The following N4BP2L2 variants were observed in gnomAD, a reference collection of about 807,000 sequenced individuals.
N4BP2L2 encodes the protein NEDD4-binding protein 2-like 2.
N4BP2L2 carries 50 observed loss-of-function variants against 56.2 expected under a neutral mutation model. The observed-to-expected ratio is 0.89, with a 90% CI of 0.71 to 1.13. The LOEUF is 1.13. Ranked by LOEUF, N4BP2L2 falls within the 50% of genes most tolerant of loss-of-function variation. The pLI, the probability that N4BP2L2 is intolerant of heterozygous loss-of-function variation, is 0.00. For synonymous variants in N4BP2L2, 203 were observed against 223.6 expected, an observed-to-expected ratio of 0.91 and a Z score of 0.82; for missense variants, 689 against 693.8, an observed-to-expected ratio of 0.99 and a Z score of 0.08.
chr13:32,472,580 A>G (rs1389826301), intron 6 of N4BP2L2, among the ~76,000 whole-genome samples: 2 of 152,106 alleles, frequency 1.3e-5, no homozygotes, highest in African/African-American at 4.8e-5. Context: ...GCTCCTCCCT[A>G]GAGTAACAGA....
intron 6 of N4BP2L2, among the ~76,000 whole-genome samples, chr13:32,444,450 A>G (rs1046416168): frequency 6.6e-6 from 1 of 152,138 alleles, no homozygotes; most frequent in Non-Finnish European, 1.5e-5. Flanking sequence ...TATTTTTAGT[A>G]GAGACGGGGT....
At chr13:32,482,442 A>G (rs939694033) in intron 6 of N4BP2L2, among the ~76,000 whole-genome samples, 1 of 152,068 alleles carries the variant, frequency 6.6e-6, no homozygotes, top group African/African-American at 2.4e-5. Flanking sequence ...GCTCACCTCA[A>G]TCTCTGCCTC....
At chr13:32,503,061 G>A (rs997552386) in intron 6 of N4BP2L2, among the ~76,000 whole-genome samples, 41 of 149,842 alleles carry the variant, frequency 2.7e-4, no homozygotes, top group African/African-American at 8.3e-4. Context: ...TAATCCCAGC[G>A]ACTCGGGAGG....
intron 6 of N4BP2L2, among the ~76,000 whole-genome samples, chr13:32,502,694 T>G (rs1164501510): frequency 1.3e-5 from 2 of 152,184 alleles, no homozygotes; most frequent in Non-Finnish European, 2.9e-5. Flanking sequence ...AACTCTGTGT[T>G]GTACTAAATT....
At chr13:32,532,936 C>T (rs757888362) in intron 2 of N4BP2L2, among the ~76,000 whole-genome samples, 10 of 150,748 alleles carry the variant, frequency 6.6e-5, no homozygotes, top group Non-Finnish European at 1.3e-4. Context: ...GTTGCCCAAA[C>T]TGATCTCACA....
intron 2 of N4BP2L2, among the ~76,000 whole-genome samples, chr13:32,534,651 T>G (rs983732676): frequency 6.6e-6 from 1 of 152,226 alleles, no homozygotes; most frequent in African/African-American, 2.4e-5. Context: ...GTTTATAATC[T>G]AGCTTGAAAT....
At chr13:32,470,085 C>A (rs1002095562) in intron 6 of N4BP2L2, among the ~76,000 whole-genome samples, 1 of 152,132 alleles carries the variant, frequency 6.6e-6, no homozygotes, top group Non-Finnish European at 1.5e-5. Flanking sequence ...TGCCATCAGC[C>A]GCTTGGCTCT....
chr13:32,441,690 CATAAATAAATAAATAAATAA>C lies in N4BP2L2; in HGVS notation c.2104+678_2104+697del, dbSNP rs199951664. 4.4e-4 allele frequency among the ~76,000 whole-genome samples: 61 copies of C among 137,662 alleles called. No individual in the cohort carries two copies. In the East Asian group the frequency reaches 7.9e-3, roughly 18 times the overall value. The allele number at this position is 137,662 out of a possible 152,430, so 90.3% of individuals were successfully genotyped here. On this transcript the variant is annotated intron_variant, in intron 7 of 9. Transcript: ENST00000357505. ...CAAGAGCGAAACTCCCTCTCAAAAA[CATAAATAAATAAATAAATAA>C]ATAAATAAATAAATAAATAAATAAA... is the stretch of plus-strand genomic sequence containing the variant.
intron 2 of N4BP2L2, among the ~76,000 whole-genome samples, chr13:32,528,102 T>C (rs2053607485): frequency 6.6e-6 from 1 of 152,206 alleles, no homozygotes; most frequent in Non-Finnish European, 1.5e-5. Context: ...GCATTTGTAT[T>C]GCAACTTTTT....
exon 7 of N4BP2L2, chr13:32,442,747 G>A (rs1229051103): frequency 6.2e-7 from 1 of 1,613,050 alleles, no homozygotes. Flanking sequence ...TAGCACAAAA[G>A]AAGGAATATA....
chr13:32,533,194 C>T (rs2055464917), intron 2 of N4BP2L2, among the ~76,000 whole-genome samples: 2 of 152,040 alleles, frequency 1.3e-5, no homozygotes, highest in Admixed American at 6.6e-5. Context: ...CAAATTCATA[C>T]AAAAATTCCT....
intron 6 of N4BP2L2, among the ~76,000 whole-genome samples, chr13:32,487,661 G>A (rs890100069): frequency 1.3e-5 from 2 of 151,822 alleles, no homozygotes; most frequent in African/African-American, 2.4e-5. Context: ...AACAGAACGC[G>A]ACTCCATCTC....
chr13:32,477,475 G>C (rs1271125547), intron 6 of N4BP2L2: 1 of 182,500 alleles, frequency 5.5e-6, no homozygotes, highest in Non-Finnish European at 1.2e-5. Context: ...AGGGACCAAA[G>C]AGGTTATAGA....
chr13:32,514,866 G>C (rs2139848154), exon 6 of N4BP2L2: 1 of 152,290 alleles, frequency 6.6e-6, no homozygotes, highest in East Asian at 1.9e-4. Context: ...TGGTGTGGTG[G>C]CTCATGCCTG....
At chr13:32,517,725 A>T in exon 6 of N4BP2L2, 1 of 1,511,038 alleles carries the variant, frequency 6.6e-7, no homozygotes, top group Non-Finnish European at 8.8e-7. Flanking sequence ...TTTATTTGAA[A>T]CTACTTAAAC....
At chr13:32,529,616 C>T (rs1425753666) in intron 2 of N4BP2L2, among the ~76,000 whole-genome samples, 1 of 151,750 alleles carries the variant, frequency 6.6e-6, no homozygotes, top group African/African-American at 2.4e-5. Context: ...TACCAGAAAT[C>T]CAGATAACAC....
At chr13:32,493,707 A>C (rs1309172595) in intron 6 of N4BP2L2, among the ~76,000 whole-genome samples, 5 of 152,240 alleles carry the variant, frequency 3.3e-5, no homozygotes, top group Non-Finnish European at 7.3e-5. Flanking sequence ...TTAATGTATA[A>C]GAAGGAAATA....
intron 6 of N4BP2L2, among the ~76,000 whole-genome samples, chr13:32,490,604 C>G (rs374040911): frequency 2.6e-5 from 4 of 152,280 alleles, no homozygotes; most frequent in African/African-American, 9.6e-5. Flanking sequence ...TGCGCCTGGC[C>G]GAAGCTATTG....
At chr13:32,530,830 C>T (rs183689263) in intron 2 of N4BP2L2, among the ~76,000 whole-genome samples, 1 of 151,552 alleles carries the variant, frequency 6.6e-6, no homozygotes, top group Admixed American at 6.6e-5. Context: ...TGGATTTAGT[C>T]CCTAGCTTCT....
Sources: allele counts gnomAD v4.1 joint callset (sites outside exome capture counted in the v4.1 genomes callset), GRCh38; gene constraint gnomAD v4.1.1; transcripts MANE v1.5; gene names NCBI Gene and HGNC (gene_info 2026-07-23, HGNC 2026-07-21).